The following ABRACL variants were observed in gnomAD, a reference collection of about 807,000 sequenced individuals.
ABRACL encodes costars family protein ABRACL.
Under a neutral mutation model 7.0 loss-of-function variants are expected in ABRACL, and 4 were observed. The observed-to-expected ratio is 0.57, with a 90% confidence interval of 0.28 to 1.30. ABRACL has a LOEUF of 1.30. ABRACL is among the 50% of genes most tolerant of loss of function. The pLI is 0.10. For synonymous variants in ABRACL, 30 were observed against 36.0 expected, an observed-to-expected ratio of 0.83 and a Z score of 0.60; for missense variants, 104 against 97.3, an observed-to-expected ratio of 1.07 and a Z score of -0.29.
chr6:139,037,299 T>TC (rs1786175445), intron 2 of ABRACL, among the ~76,000 whole-genome samples: 1 of 152,118 alleles, frequency 6.6e-6, no homozygotes, highest in African/African-American at 2.4e-5. Flanking sequence ...TCACTCTGTT[T>TC]CCCGGGCTGG....
Position 139,042,715 on chromosome 6 carries a change from C to G in ABRACL, c.62-4C>G. 3 of 1,608,468 alleles carry G rather than the reference C, an allele frequency of 1.9e-6. No individual in the cohort carries two copies. Among genetic ancestry groups the G allele is most frequent in the Non-Finnish European group, 2.5e-6 (3 of 1,177,160 alleles). On this transcript the variant is annotated splice_polypyrimidine_tract_variant and splice_region_variant and intron_variant, in intron 2 of 2. Coordinates refer to ENST00000367660, the MANE Select transcript of ABRACL (RefSeq NM_021243.3). ...TTTGCTAACAATGTATTTTCTCAAA[C>G]TAGATGCTGATGGAAAGTTAAGCGT...
At chr6:139,042,406 A>G (rs1231130762) in intron 2 of ABRACL, among the ~76,000 whole-genome samples, 4 of 152,242 alleles carry the variant, frequency 2.6e-5, no homozygotes, top group Non-Finnish European at 1.5e-5. Flanking sequence ...AAACTCACGT[A>G]ACAATTAACA....
chr6:139,041,281 T>C (rs1465186312), intron 2 of ABRACL, among the ~76,000 whole-genome samples: 1 of 150,914 alleles, frequency 6.6e-6, no homozygotes, highest in Admixed American at 6.6e-5. Context: ...TTTTTTTTTA[T>C]GAGACAGGGT....
intron 2 of ABRACL, among the ~76,000 whole-genome samples, chr6:139,038,594 T>C (rs1317387867): frequency 6.6e-6 from 1 of 152,234 alleles, no homozygotes; most frequent in East Asian, 1.9e-4. Flanking sequence ...AAAGATTAAA[T>C]GGGGAGAGTG....
intron 1 of ABRACL, among the ~76,000 whole-genome samples, chr6:139,032,149 A>G (rs1244299070): frequency 1.3e-5 from 2 of 151,916 alleles, no homozygotes; most frequent in Non-Finnish European, 2.9e-5. Flanking sequence ...TATTTTTAGT[A>G]GAGACGGGGT....
rs369973311 is a variant in ABRACL, at chr6:139,042,738, C to T, written c.81C>T (p.Ser27=). Residue 27 remains serine (S), a synonymous_variant, in exon 3 of 3, where the codon AGC becomes AGT. Transcript: ENST00000367660. The part of the protein sequence containing the change: ...LGSKNADGKL[S]VKFGVLFRDD... ...AACTAGATGCTGATGGAAAGTTAAGCGTGAAATTTGGGGTCCTCTTCCGTG... is the reference window on the plus strand; with the variant it reads ...AACTAGATGCTGATGGAAAGTTAAGTGTGAAATTTGGGGTCCTCTTCCGTG... The T allele has an allele frequency of 7.7e-5, 124 of 1,610,522 alleles. No homozygotes were observed. Among genetic ancestry groups the T allele is most frequent in the Non-Finnish European group, 9.9e-5 (117 of 1,178,494 alleles).
chr6:139,041,647 C>T (rs896335639), intron 2 of ABRACL, among the ~76,000 whole-genome samples: 23 of 151,322 alleles, frequency 1.5e-4, no homozygotes, highest in Admixed American at 1.3e-3. Context: ...AGGCATGAGC[C>T]GTTGCACTCG....
At chr6:139,039,230 GAA>G (rs56029994) in intron 2 of ABRACL, among the ~76,000 whole-genome samples, 1 of 148,926 alleles carries the variant, frequency 6.7e-6, no homozygotes, top group African/African-American at 2.5e-5. Flanking sequence ...CATCTCAAAA[GAA>G]AAAAAAAATC....
intron 2 of ABRACL, among the ~76,000 whole-genome samples, chr6:139,036,238 G>A (rs151068056): frequency 6.6e-6 from 1 of 152,154 alleles, no homozygotes; most frequent in Non-Finnish European, 1.5e-5. Context: ...ACCGTGCCTG[G>A]CCTGCCTCCT....
At chr6:139,042,679 C>G (rs189652873) in intron 2 of ABRACL, 40 bp from the exon 3 acceptor site, 1 of 1,569,780 alleles carries the variant, frequency 6.4e-7, no homozygotes, top group East Asian at 2.3e-5. Context: ...GGGTATGAAA[C>G]AGACTTTGCA....
In ABRACL at chr6:139,032,518, G is replaced by A. The variant is rs1041612199; in HGVS notation, c.-6-1637G>A. 6.6e-5 allele frequency among the ~76,000 whole-genome samples: 10 copies of A among 152,198 alleles called. No homozygotes were observed. The South Asian group carries it at 1.9e-3, about 28-fold the overall frequency. ...CGCACAAGCAACAGAGCAGATGGTA[G>A]TGGCACTTTTAATAATTAGCAGATA... On this transcript the variant is annotated intron_variant, in intron 1 of 2. Coordinates refer to ENST00000367660, the MANE Select transcript of ABRACL (RefSeq NM_021243.3).
Position 139,043,132 on chromosome 6 carries a change from C to T in ABRACL, c.*229C>T, listed in dbSNP as rs1250412456. 1 of 334,042 alleles carries T rather than the reference C, an allele frequency of 3.0e-6. No individual in the cohort carries two copies. Among genetic ancestry groups the T allele is most frequent in the Non-Finnish European group, 5.3e-6 (1 of 188,670 alleles). The allele number at this position is 334,042 out of a possible 1,614,324, so 20.7% of individuals were successfully genotyped here. On this transcript the variant is annotated 3_prime_UTR_variant, in exon 3 of 3. Coordinates refer to ENST00000367660, the MANE Select transcript of ABRACL (RefSeq NM_021243.3). Reference sequence around the variant, plus strand: ...TTCTCAGGAATCTGGTTAGGAATTGCAGGCAATGAGATTTTTTGCGGGGCA... The same window carrying T: ...TTCTCAGGAATCTGGTTAGGAATTGTAGGCAATGAGATTTTTTGCGGGGCA...
rs942752937 is a variant in ABRACL, at chr6:139,043,095, A to G, written c.*192A>G. ...ATCTATGTATGATGCTATAAAATAA[A>G]TCCTATTATTTTTCTCAGGAATCTG... On this transcript the variant is annotated 3_prime_UTR_variant, in exon 3 of 3. Transcript: ENST00000367660. 2 of 410,610 alleles carry G rather than the reference A, an allele frequency of 4.9e-6. No individual in the cohort carries two copies. Among genetic ancestry groups the G allele is most frequent in the Non-Finnish European group, 8.2e-6 (2 of 243,852 alleles). The allele number at this position is 410,610 out of a possible 1,614,324, so 25.4% of individuals were successfully genotyped here. A position where few individuals can be genotyped will look rare whatever the true frequency, so the allele number is the denominator to read the frequency against.
At chr6:139,029,062 C>T (rs12196167) in intron 1 of ABRACL, among the ~76,000 whole-genome samples, 187 bp downstream of exon 1, 58,649 of 151,852 alleles carry the variant, frequency 0.39, 11,865 homozygotes, top group East Asian at 0.49. Flanking sequence ...GTGGGGCGCG[C>T]GCCGCCCACG....
At chr6:139,031,766 G>T (rs944179084) in intron 1 of ABRACL, among the ~76,000 whole-genome samples, 7 of 152,144 alleles carry the variant, frequency 4.6e-5, no homozygotes, top group African/African-American at 1.7e-4. Flanking sequence ...GCTACGTCAT[G>T]CCTCAAACCA....
chr6:139,032,896 T>C (rs1329019379), intron 1 of ABRACL, among the ~76,000 whole-genome samples: 1 of 152,204 alleles, frequency 6.6e-6, no homozygotes, highest in Non-Finnish European at 1.5e-5. Context: ...CCAGACATGA[T>C]AGAGCAGTGA....
At chr6:139,042,581 A>T in intron 2 of ABRACL, 138 bp from the exon 3 acceptor site, 1 of 741,298 alleles carries the variant, frequency 1.3e-6, no homozygotes, top group East Asian at 2.7e-5. Context: ...GAATATGTTG[A>T]ATTTATGACT....
intron 2 of ABRACL, among the ~76,000 whole-genome samples, chr6:139,037,163 G>A (rs62441853): frequency 0.055 from 8,399 of 152,164 alleles, 340 homozygotes; most frequent in Non-Finnish European, 0.081. Flanking sequence ...GAAGTGGAGG[G>A]CAGGTCAGTT....
intron 2 of ABRACL, among the ~76,000 whole-genome samples, chr6:139,041,051 T>G (rs1786236183): frequency 1.3e-5 from 2 of 152,164 alleles, no homozygotes; most frequent in African/African-American, 4.8e-5. Flanking sequence ...GCCAAATGAC[T>G]AGTAGATGGC....
Sources: allele counts gnomAD v4.1 joint callset (sites outside exome capture counted in the v4.1 genomes callset), GRCh38; gene constraint gnomAD v4.1.1; transcripts MANE v1.5; gene names NCBI Gene and HGNC (gene_info 2026-07-23, HGNC 2026-07-21).